CCDC88A: variants seen among roughly 807,000 people sequenced by gnomAD.
The protein encoded by CCDC88A is coiled-coil and HOOK domain protein 88A.
CCDC88A carries 54 observed loss-of-function variants against 234.3 expected under a neutral mutation model. That is an observed-to-expected ratio of 0.23 (90% CI 0.19 to 0.29). The LOEUF is 0.29. Ranked by LOEUF, CCDC88A falls within the 10% of genes least tolerant of loss-of-function variation. The pLI, the probability that CCDC88A is intolerant of heterozygous loss-of-function variation, is 1.00. For synonymous variants in CCDC88A, 753 were observed against 737.8 expected (o/e 1.02, Z -0.33); for missense variants, 1,832 against 2,123.4 (o/e 0.86, Z 2.70).
chr2:55,301,831 C>G (rs1680935909), intron 27 of CCDC88A, 41 bp downstream of exon 27: 1 of 1,540,204 alleles, frequency 6.5e-7, no homozygotes, highest in South Asian at 1.1e-5. Context: ...ATTCTTGTTG[C>G]CAACAATTAC....
intron 2 of CCDC88A, chr2:55,399,865 T>C (rs1463415587): frequency 2.0e-5 from 3 of 152,088 alleles, no homozygotes; most frequent in Non-Finnish European, 2.9e-5. Context: ...ATTTCTTCTA[T>C]AAAAAGAATG....
chr2:55,404,286 G>T (rs551516123), intron 2 of CCDC88A: 27 of 152,260 alleles, frequency 1.8e-4, no homozygotes, highest in African/African-American at 6.5e-4. Flanking sequence ...AATTTGGTAA[G>T]AAAATCTTTT....
At chr2:55,363,682 T>G (rs1671607348) in intron 6 of CCDC88A, 2 of 269,736 alleles carry the variant, frequency 7.4e-6, no homozygotes, top group Non-Finnish European at 1.4e-5. Context: ...TGTAATCCAT[T>G]CTAACAAAGA....
Position 55,373,571 on chromosome 2 carries a change from G to C in CCDC88A, c.344-1061C>G, listed in dbSNP as rs184662072. Among the ~76,000 whole-genome samples the C allele has an allele frequency of 1.8e-3, 277 of 152,212 alleles. 2 individuals are homozygous for C. Among genetic ancestry groups the C allele is most frequent in the African/African-American group, 6.3e-3 (262 of 41,546 alleles). Reference sequence around the variant, plus strand: ...TTATTACATGATTTCCCCATAATCTGTGTATCCTTCACCAAACCATAAGAG... The same window carrying C: ...TTATTACATGATTTCCCCATAATCTCTGTATCCTTCACCAAACCATAAGAG... On this transcript the variant is annotated intron_variant, in intron 4 of 32. Coordinates refer to ENST00000436346, the MANE Select transcript of CCDC88A (RefSeq NM_001365480.1).
At chr2:55,411,390 T>G (rs1231991953) in intron 2 of CCDC88A, among the ~76,000 whole-genome samples, 1 of 152,176 alleles carries the variant, frequency 6.6e-6, no homozygotes, top group Non-Finnish European at 1.5e-5. Flanking sequence ...ATCATTTCTG[T>G]AGTTTAACTA....
Position 55,317,866 on chromosome 2 carries a change from G to A in CCDC88A, c.3325-25C>T. The A allele has an allele frequency of 1.4e-6, 2 of 1,466,236 alleles. No individual in the cohort carries two copies. Among genetic ancestry groups the A allele is most frequent in the African/African-American group, 1.4e-5 (1 of 70,952 alleles). The allele number at this position is 1,466,236 out of a possible 1,614,324, so 90.8% of individuals were successfully genotyped here. On this transcript the variant is annotated intron_variant, in intron 19 of 32. Transcript: ENST00000436346. The surrounding 1 kb of genome is among the most constrained non-coding windows in gnomAD (Gnocchi z 4.2). ...CCTATAAGAATATATATTGTTATCA[G>A]ACATAAGAAAAACAGTTCATGTTCT... is the stretch of plus-strand genomic sequence containing the variant.
At chr2:55,410,375 G>T (rs192641172) in intron 2 of CCDC88A, among the ~76,000 whole-genome samples, 129 of 152,312 alleles carry the variant, frequency 8.5e-4, no homozygotes, top group African/African-American at 3.0e-3. Context: ...AAATTCCACA[G>T]ATTTTAAATT....
In CCDC88A at chr2:55,303,126, A is replaced by G. The variant is rs1217684560; in HGVS notation, c.4414T>C (p.Leu1472=). ...TCTTTATCCTTCGGTCTGTTCCTCAAAAAGGGCAGTCTTTTCAGTGCAACC... is the reference window on the plus strand; with the variant it reads ...TCTTTATCCTTCGGTCTGTTCCTCAGAAAGGGCAGTCTTTTCAGTGCAACC... ...SMVALKRLPF[L]RNRPKDKDKM... The change falls in exon 26 of 33, where the codon TTG becomes CTG. Residue 1472 remains leucine (L), a synonymous_variant. Transcript: ENST00000436346. 6.4e-7 allele frequency: 1 copy of G among 1,551,492 alleles called. No individual in the cohort carries two copies. The highest frequency in any genetic ancestry group is 8.7e-7 in the Non-Finnish European group (1 of 1,146,662).
chr2:55,337,129 C>A, intron 13 of CCDC88A: 1 of 183,762 alleles, frequency 5.4e-6, no homozygotes, highest in Admixed American at 6.3e-5. Flanking sequence ...TTTAAAGATT[C>A]ACTTGGCTTG....
chr2:55,288,841 T>G lies in CCDC88A; in HGVS notation c.*2359A>C, dbSNP rs186407066. ...TGGCTCCGATTCGTTTCCAGTTGGC[T>G]TTATTATTGTTTGGCAGAAGTTGTT... On this transcript the variant is annotated 3_prime_UTR_variant, in exon 33 of 33. Coordinates refer to ENST00000436346, the MANE Select transcript of CCDC88A (RefSeq NM_001365480.1). 2 of 152,160 alleles carry G rather than the reference T, an allele frequency of 1.3e-5. No individual in the cohort carries two copies. Among genetic ancestry groups the G allele is most frequent in the East Asian group, 3.9e-4 (2 of 5,194 alleles). The allele number at this position is 152,160 out of a possible 1,614,324, so 9.4% of individuals were successfully genotyped here. A position where few individuals can be genotyped will look rare whatever the true frequency, so the allele number is the denominator to read the frequency against.
At chr2:55,365,442 CA>C (rs1260632272) in intron 5 of CCDC88A, among the ~76,000 whole-genome samples, 1 of 152,132 alleles carries the variant, frequency 6.6e-6, no homozygotes, top group East Asian at 1.9e-4. Flanking sequence ...TAATTATTAT[CA>C]AAGGTAATGA....
chr2:55,386,689 C>G (rs2104882866), intron 3 of CCDC88A, among the ~76,000 whole-genome samples: 1 of 150,638 alleles, frequency 6.6e-6, no homozygotes, highest in South Asian at 2.1e-4. Flanking sequence ...ACAGGCTGGT[C>G]TCGAACTCCT....
intron 5 of CCDC88A, 35 bp from the exon 6 acceptor site, chr2:55,364,068 T>C (rs766596777): frequency 9.7e-6 from 10 of 1,034,434 alleles, no homozygotes; most frequent in Non-Finnish European, 1.3e-5. Context: ...ATTCATACTT[T>C]ATAGGGTATG....
chr2:55,331,182 A>T (rs1684870979), intron 16 of CCDC88A, among the ~76,000 whole-genome samples: 1 of 152,242 alleles, frequency 6.6e-6, no homozygotes, highest in Non-Finnish European at 1.5e-5. Flanking sequence ...TACATATAGT[A>T]GGTAATAAAT....
At chr2:55,413,475 T>G (rs1053167500) in intron 2 of CCDC88A, among the ~76,000 whole-genome samples, 1 of 152,158 alleles carries the variant, frequency 6.6e-6, no homozygotes, top group Non-Finnish European at 1.5e-5. Flanking sequence ...TACCAATAAG[T>G]AGCACAGCTA....
At chr2:55,402,808 G>C (rs1407163808) in intron 2 of CCDC88A, among the ~76,000 whole-genome samples, 1 of 151,478 alleles carries the variant, frequency 6.6e-6, no homozygotes, top group Non-Finnish European at 1.5e-5. Context: ...AAGAGATCGA[G>C]ACCATCCTGG....
At chr2:55,386,980 G>C (rs2104884143) in intron 3 of CCDC88A, among the ~76,000 whole-genome samples, 1 of 150,786 alleles carries the variant, frequency 6.6e-6, no homozygotes, top group South Asian at 2.1e-4. Flanking sequence ...TTCGAGACCA[G>C]CCTGGCCAAC....
At chr2:55,295,261 CA>C in intron 31 of CCDC88A, 1 of 1,367,828 alleles carries the variant, frequency 7.3e-7, no homozygotes, top group African/African-American at 1.5e-5. Flanking sequence ...TCCAAAGAGG[CA>C]GAAGCCTGGT....
rs1681866606 is a variant in CCDC88A, at chr2:55,418,721, T to C, written c.164+95A>G. The C allele has an allele frequency of 2.9e-5, 27 of 945,578 alleles. No individual in the cohort carries two copies. The South Asian group carries it at 3.4e-4, about 12-fold the overall frequency. The allele number at this position is 945,578 out of a possible 1,614,324, so 58.6% of individuals were successfully genotyped here. A position where few individuals can be genotyped will look rare whatever the true frequency, so the allele number is the denominator to read the frequency against. On this transcript the variant is annotated intron_variant, in intron 2 of 32. Transcript: ENST00000436346. The stretch of plus-strand genomic sequence containing the variant: ...AAACCACCTGAATATTTCTGGCCAA[T>C]GAACCAAATTAGGGGCTTAAAACAT...
Sources: allele counts gnomAD v4.1 joint callset (sites outside exome capture counted in the v4.1 genomes callset), GRCh38; gene constraint gnomAD v4.1.1; non-coding constraint Gnocchi (gnomAD v3.1); transcripts MANE v1.5; gene names NCBI Gene and HGNC (gene_info 2026-07-23, HGNC 2026-07-21).